Variants in ITM2B observed in about 807,000 individuals in gnomAD.
ITM2B encodes the protein integral membrane protein 2B.
ITM2B carries 11 observed loss-of-function variants against 27.8 expected under a neutral mutation model. The observed-to-expected ratio is 0.40, with a 90% confidence interval of 0.25 to 0.66. ITM2B has a LOEUF of 0.66. Ranked by LOEUF, ITM2B falls within the 30% of genes least tolerant of loss-of-function variation. The pLI is 0.43. For missense variants in ITM2B, 296 were observed against 328.9 expected, an observed-to-expected ratio of 0.90 and a Z score of 0.77; for synonymous variants, 114 against 114.3, an observed-to-expected ratio of 1.00 and a Z score of 0.02.
In ITM2B at chr13:48,263,194, CACA is replaced by C. The variant is rs1402394993; in HGVS notation, c.*1974_*1976del. ...CTTAGTAAAACATTTGATAATTCTT[CACA>C]ACATTTGCAATCATTGATTTGGCCA... On this transcript the variant is annotated 3_prime_UTR_variant, in exon 6 of 6. Transcript: ENST00000647800. 1 of 152,058 alleles carries C rather than the reference CACA, an allele frequency of 6.6e-6. No individual in the cohort carries two copies. The highest frequency in any genetic ancestry group is 1.5e-5 in the Non-Finnish European group (1 of 67,998). 9.4% of individuals were successfully genotyped at this position (152,058 alleles called of 1,614,324 possible).
In ITM2B at chr13:48,256,199, G is replaced by A; in HGVS notation, c.269G>A (p.Gly90Glu). The change falls in exon 3 of 6, where the codon GGA becomes GAA. Residue 90 changes from glycine (G) to glutamate (E), a missense_variant. Gly to Glu is a moderately conservative substitution (Grantham distance 98). Coordinates refer to ENST00000647800, the MANE Select transcript of ITM2B (RefSeq NM_021999.5). ...TAGCCAGATGACGTGTACTACTGTG[G>A]AATAAAGTACATCAAAGATGATGTC... ...ALQPDDVYYC[G>E]IKYIKDDVIL... The A allele has an allele frequency of 1.2e-6, 2 of 1,612,372 alleles. No homozygotes were observed. Among genetic ancestry groups the A allele is most frequent in the Non-Finnish European group, 1.7e-6 (2 of 1,178,574 alleles).
Position 48,263,554 on chromosome 13 carries a change from C to T in ITM2B, c.*2330C>T, listed in dbSNP as rs1019122485. ...CCCAGTGGGTTCCAGGGAGACTCAG[C>T]TATCCTTCCCTCTTCTTGAGTTCTG... On this transcript the variant is annotated 3_prime_UTR_variant, in exon 6 of 6. Coordinates refer to ENST00000647800, the MANE Select transcript of ITM2B (RefSeq NM_021999.5). 2.0e-5 allele frequency: 3 copies of T among 152,310 alleles called. No individual in the cohort carries two copies. The East Asian group carries it at 5.8e-4, about 29-fold the overall frequency. 9.4% of individuals were successfully genotyped at this position (152,310 alleles called of 1,614,324 possible).
rs560265214 is a variant in ITM2B at position 48,258,993 on chromosome 13, C to T, written c.715+46C>T. On this transcript the variant is annotated intron_variant, in intron 5 of 5. Coordinates refer to ENST00000647800, the MANE Select transcript of ITM2B (RefSeq NM_021999.5). ...AAGTGTTGGGCAGAAAAGTTCATTG[C>T]ATTAAACTAGATTTAGGTGAAGCCT... The T allele has an allele frequency of 1.6e-5, 23 of 1,457,516 alleles. No homozygotes were observed. The South Asian group carries it at 2.7e-4, about 17-fold the overall frequency. The allele number at this position is 1,457,516 out of a possible 1,614,324, so 90.3% of individuals were successfully genotyped here. A position where few individuals can be genotyped will look rare whatever the true frequency, so the allele number is the denominator to read the frequency against.
At chr13:48,261,051 A>T (rs1456354181) in intron 5 of ITM2B, 88 bp from the exon 6 acceptor site, 1 of 859,426 alleles carries the variant, frequency 1.2e-6, no homozygotes, top group African/African-American at 1.7e-5. Context: ...AAATACTTCT[A>T]TATGTCTAAA....
intron 1 of ITM2B, among the ~76,000 whole-genome samples, chr13:48,249,487 TA>T (rs1420471060): frequency 6.6e-6 from 1 of 152,204 alleles, no homozygotes; most frequent in African/African-American, 2.4e-5. Flanking sequence ...TATTGATCTT[TA>T]AAAATCTTGC....
rs1951841855 is a variant in ITM2B, at chr13:48,264,577, A to T, written c.*3353A>T. ...ACATCTTCTCTTCCACCTAGCAAAG[A>T]GTTTGTTGCCCAGAGTTATATAAAT... On this transcript the variant is annotated 3_prime_UTR_variant, in exon 6 of 6. Coordinates refer to ENST00000647800, the MANE Select transcript of ITM2B (RefSeq NM_021999.5). The T allele has an allele frequency of 6.6e-6, 1 of 152,166 alleles. No individual in the cohort carries two copies. The highest frequency in any genetic ancestry group is 2.4e-5 in the African/African-American group (1 of 41,452). 9.4% of individuals were successfully genotyped at this position (152,166 alleles called of 1,614,324 possible). A position where few individuals can be genotyped will look rare whatever the true frequency, so the allele number is the denominator to read the frequency against.
At position 48,256,200 on chromosome 13, in the gene ITM2B, A is replaced by G. The variant is rs1951786411; in HGVS notation, c.270A>G (p.Gly90=). 6.2e-7 allele frequency: 1 copy of G among 1,613,224 alleles called. No homozygotes were observed. The highest frequency in any genetic ancestry group is 8.5e-7 in the Non-Finnish European group (1 of 1,179,400). ...ALQPDDVYYC[G]IKYIKDDVIL... ...AGCCAGATGACGTGTACTACTGTGG[A>G]ATAAAGTACATCAAAGATGATGTCA... Residue 90 remains glycine (G), a synonymous_variant, in exon 3 of 6, where the codon GGA becomes GGG. Coordinates refer to ENST00000647800, the MANE Select transcript of ITM2B (RefSeq NM_021999.5).
chr13:48,254,096 C>T (rs888403751), intron 2 of ITM2B, among the ~76,000 whole-genome samples, 160 bp downstream of exon 2: 1 of 151,934 alleles, frequency 6.6e-6, no homozygotes, highest in Non-Finnish European at 1.5e-5. Context: ...TTAAACATCT[C>T]TCCATGATAT....
intron 1 of ITM2B, among the ~76,000 whole-genome samples, chr13:48,244,117 A>T (rs1345191682): frequency 6.6e-6 from 1 of 152,134 alleles, no homozygotes; most frequent in East Asian, 1.9e-4. Flanking sequence ...TCCATAGGGG[A>T]TCTATTCCTG....
Position 48,261,238 on chromosome 13 carries a change from A to G in ITM2B, c.*14A>G, listed in dbSNP as rs1951820724. 2 of 1,564,664 alleles carry G rather than the reference A, an allele frequency of 1.3e-6. No individual in the cohort carries two copies. Among genetic ancestry groups the G allele is most frequent in the East Asian group, 2.2e-5 (1 of 44,548 alleles). On this transcript the variant is annotated 3_prime_UTR_variant, in exon 6 of 6. Coordinates refer to ENST00000647800, the MANE Select transcript of ITM2B (RefSeq NM_021999.5). ...ATTTGTTCTTGAACAGTCAAGAAAA[A>G]CATTATTGAGGAAAATTAATATCAC...
chr13:48,256,133 G>A (rs1361666769), intron 2 of ITM2B, 44 bp from the exon 3 acceptor site: 1 of 1,415,672 alleles, frequency 7.1e-7, no homozygotes, highest in Non-Finnish European at 1.0e-6. Context: ...TTAAAAACCT[G>A]TCTCATGCTG....
intron 1 of ITM2B, among the ~76,000 whole-genome samples, chr13:48,238,195 T>C (rs1235971966): frequency 6.6e-6 from 1 of 152,152 alleles, no homozygotes; most frequent in African/African-American, 2.4e-5. Context: ...TTTTGAAAAA[T>C]TTCCACTTAA....
At position 48,261,271 on chromosome 13, in the gene ITM2B, C is replaced by A. The variant is rs893414324; in HGVS notation, c.*47C>A. The A allele has an allele frequency of 2.4e-6, 3 of 1,254,496 alleles. No homozygotes were observed. The highest frequency in any genetic ancestry group is 2.3e-6 in the Non-Finnish European group (2 of 854,236). 77.7% of individuals were successfully genotyped at this position (1,254,496 alleles called of 1,614,324 possible). A position where few individuals can be genotyped will look rare whatever the true frequency, so the allele number is the denominator to read the frequency against. On this transcript the variant is annotated 3_prime_UTR_variant, in exon 6 of 6. Coordinates refer to ENST00000647800, the MANE Select transcript of ITM2B (RefSeq NM_021999.5). ...GAGGAAAATTAATATCACAGCATAACCCCACCCTTTACATTTTGTGCAGTG... is the reference window on the plus strand; with the variant it reads ...GAGGAAAATTAATATCACAGCATAAACCCACCCTTTACATTTTGTGCAGTG...
intron 3 of ITM2B, among the ~76,000 whole-genome samples, chr13:48,257,820 G>A (rs9332290): frequency 0.01 from 1,586 of 152,210 alleles, 28 homozygotes; most frequent in African/African-American, 0.036. Flanking sequence ...GGGCATTTGA[G>A]CTTATAAGTG....
At chr13:48,252,825 T>A (rs1048463421) in intron 1 of ITM2B, among the ~76,000 whole-genome samples, 1 of 152,228 alleles carries the variant, frequency 6.6e-6, no homozygotes, top group African/African-American at 2.4e-5. Flanking sequence ...TTGCAGTCTT[T>A]ACTATTTATT....
At position 48,261,383 on chromosome 13, in the gene ITM2B, T is replaced by A; in HGVS notation, c.*159T>A. The A allele has an allele frequency of 1.7e-6, 1 of 590,570 alleles. No individual in the cohort carries two copies. Among genetic ancestry groups the A allele is most frequent in the South Asian group, 2.3e-5 (1 of 43,752 alleles). The allele number at this position is 590,570 out of a possible 1,614,324, so 36.6% of individuals were successfully genotyped here. ...CATTAATTCAATTAAAACCATTACCTTAAAATTTTTTTCTTTCGAAGTGTG... is the reference window on the plus strand; with the variant it reads ...CATTAATTCAATTAAAACCATTACCATAAAATTTTTTTCTTTCGAAGTGTG... On this transcript the variant is annotated 3_prime_UTR_variant, in exon 6 of 6. Coordinates refer to ENST00000647800, the MANE Select transcript of ITM2B (RefSeq NM_021999.5).
intron 1 of ITM2B, among the ~76,000 whole-genome samples, chr13:48,247,993 C>T (rs1951733492): frequency 6.6e-6 from 1 of 151,506 alleles, no homozygotes; most frequent in Non-Finnish European, 1.5e-5. Flanking sequence ...AGTTTTATTG[C>T]AGTAGAAGGG....
At chr13:48,251,791 C>A (rs2137989390) in intron 1 of ITM2B, among the ~76,000 whole-genome samples, 1 of 152,232 alleles carries the variant, frequency 6.6e-6, no homozygotes, top group Admixed American at 6.5e-5. Context: ...TCCTTCCACT[C>A]TAAAATTAAT....
chr13:48,251,839 T>A (rs1055156477), intron 1 of ITM2B, among the ~76,000 whole-genome samples: 2 of 152,228 alleles, frequency 1.3e-5, no homozygotes, highest in Admixed American at 6.5e-5. Flanking sequence ...TAGATATTTA[T>A]GTCAGACAAG....
Sources: allele counts gnomAD v4.1 joint callset (sites outside exome capture counted in the v4.1 genomes callset), GRCh38; gene constraint gnomAD v4.1.1; transcripts MANE v1.5; gene names NCBI Gene and HGNC (gene_info 2026-07-23, HGNC 2026-07-21).